NACC2: variants seen among roughly 807,000 people sequenced by gnomAD.
NACC2 encodes the protein nucleus accumbens-associated protein 2.
In NACC2, 8 loss-of-function variants were observed where a neutral mutation model predicts 25.1. The ratio of observed to expected loss-of-function variants is 0.32; its 90% CI spans 0.19 to 0.57. The LOEUF (loss-of-function observed/expected upper bound fraction) is 0.57. Among genes scored for constraint, NACC2 ranks in the 20% least tolerant of loss-of-function variants. NACC2 has a pLI of 0.89. For synonymous variants in NACC2, 435 were observed against 294.7 expected, an observed-to-expected ratio of 1.48 and a Z score of -4.88; for missense variants, 644 against 650.2, an observed-to-expected ratio of 0.99 and a Z score of 0.10.
chr9:136,013,915 C>T lies in NACC2; in HGVS notation c.1106G>A (p.Gly369Glu). 2.5e-6 allele frequency: 4 copies of T among 1,612,922 alleles called. No individual in the cohort carries two copies. Among genetic ancestry groups the T allele is most frequent in the Non-Finnish European group, 3.4e-6 (4 of 1,179,968 alleles). ...CCGCAGCAAGACCTTATGCTTCACC[C>T]CTGCACACAGGTGGCAGTTCATCAG... Reference protein sequence around the residue: ...GQLMNCHLCAGVKHKVLLRRL... With the variant: ...GQLMNCHLCAEVKHKVLLRRL... The change falls in exon 4 of 6, where the codon GGG becomes GAG. Residue 369 changes from glycine (G) to glutamate (E), a missense_variant. By Grantham distance (98) the Gly-to-Glu change is moderately conservative. Coordinates refer to ENST00000277554, the MANE Select transcript of NACC2 (RefSeq NM_144653.5). This position sits in a 1 kb window ranked among gnomAD's most constrained non-coding sequence, Gnocchi z 6.6.
chr9:136,053,182 TC>T (rs1482260281), intron 1 of NACC2, among the ~76,000 whole-genome samples: 1 of 152,126 alleles, frequency 6.6e-6, no homozygotes, highest in African/African-American at 2.4e-5. Context: ...TGCCCCTCAC[TC>T]CCGGCGCCCC....
intron 1 of NACC2, among the ~76,000 whole-genome samples, chr9:136,060,160 G>C (rs1840988054): frequency 6.6e-6 from 1 of 152,228 alleles, no homozygotes; most frequent in Non-Finnish European, 1.5e-5. Flanking sequence ...AAGAATCCTA[G>C]GGGCCAAATG....
At chr9:136,052,832 T>C (rs898058230) in intron 1 of NACC2, among the ~76,000 whole-genome samples, 16 of 152,232 alleles carry the variant, frequency 1.1e-4, no homozygotes, top group African/African-American at 3.9e-4. Context: ...CTGGCTGTTA[T>C]TGAGCCTTTT....
intron 2 of NACC2, among the ~76,000 whole-genome samples, chr9:136,046,229 C>T (rs1001736427): frequency 6.6e-6 from 1 of 152,150 alleles, no homozygotes; most frequent in African/African-American, 2.4e-5. Flanking sequence ...AGGCATTTCG[C>T]AATCTCTAGC....
At chr9:136,035,436 A>G (rs999995985) in intron 2 of NACC2, among the ~76,000 whole-genome samples, 5 of 152,152 alleles carry the variant, frequency 3.3e-5, no homozygotes, top group African/African-American at 1.2e-4. Flanking sequence ...CATTCTACAA[A>G]ATAATGAACT....
chr9:136,072,894 TA>T (rs1208909544), intron 1 of NACC2, among the ~76,000 whole-genome samples: 1 of 151,876 alleles, frequency 6.6e-6, no homozygotes, highest in Non-Finnish European at 1.5e-5. Flanking sequence ...ATTGGAGACT[TA>T]AACATAAAAC....
At chr9:136,024,503 A>ATGTG (rs139555936) in intron 2 of NACC2, among the ~76,000 whole-genome samples, 27,392 of 124,444 alleles carry the variant, frequency 0.22, 3,719 homozygotes, top group Non-Finnish European at 0.28. Flanking sequence ...TGAGGACAGA[A>ATGTG]TGTGTGTGTG....
chr9:136,078,595 G>A (rs903525111), intron 1 of NACC2, among the ~76,000 whole-genome samples: 2 of 152,196 alleles, frequency 1.3e-5, no homozygotes, highest in Non-Finnish European at 2.9e-5. Flanking sequence ...CCAGGGGAAT[G>A]TACTCCTAGG....
At chr9:136,081,478 C>T (rs1201811676) in intron 1 of NACC2, among the ~76,000 whole-genome samples, 2 of 152,244 alleles carry the variant, frequency 1.3e-5, no homozygotes, top group Admixed American at 6.5e-5. Flanking sequence ...CCCAGGAAGG[C>T]GGTGCCGGGC....
At chr9:136,027,478 A>G (rs1840410347) in intron 2 of NACC2, among the ~76,000 whole-genome samples, 1 of 152,216 alleles carries the variant, frequency 6.6e-6, no homozygotes, top group Non-Finnish European at 1.5e-5. Context: ...GCTCAGGGAA[A>G]GTCTCAACAA....
intron 2 of NACC2, among the ~76,000 whole-genome samples, chr9:136,023,860 A>C (rs1181018250): frequency 2.6e-5 from 4 of 152,252 alleles, no homozygotes; most frequent in African/African-American, 7.2e-5. Flanking sequence ...CAGGACACTA[A>C]GGACAAATGA....
chr9:136,072,619 A>AGGCG (rs1164978207), intron 1 of NACC2, among the ~76,000 whole-genome samples: 1 of 152,226 alleles, frequency 6.6e-6, no homozygotes, highest in Non-Finnish European at 1.5e-5. Flanking sequence ...TGGGATGCCG[A>AGGCG]GGCGGGCGGA....
rs1400189927 is a variant in NACC2 at position 136,011,026 on chromosome 9, G to T, written c.*490C>A. ...GAGTCTCCGAAAGAAGGAAAAACGAGGAGTTAGGCCCTGGAGCCTGAGCCC... is the reference window on the plus strand; with the variant it reads ...GAGTCTCCGAAAGAAGGAAAAACGATGAGTTAGGCCCTGGAGCCTGAGCCC... On this transcript the variant is annotated 3_prime_UTR_variant, in exon 6 of 6. Coordinates refer to ENST00000277554, the MANE Select transcript of NACC2 (RefSeq NM_144653.5). 1.3e-5 allele frequency: 2 copies of T among 153,388 alleles called. No individual in the cohort carries two copies. The highest frequency in any genetic ancestry group is 6.5e-5 in the Admixed American group (1 of 15,340). 9.5% of individuals were successfully genotyped at this position (153,388 alleles called of 1,614,324 possible). A position where few individuals can be genotyped will look rare whatever the true frequency, so the allele number is the denominator to read the frequency against.
In NACC2 at chr9:136,050,574, G is replaced by A. The variant is rs1226800908; in HGVS notation, c.-53C>T. 2.8e-6 allele frequency: 2 copies of A among 725,072 alleles called. No individual in the cohort carries two copies. The highest frequency in any genetic ancestry group is 5.0e-6 in the Non-Finnish European group (2 of 399,508). 44.9% of individuals were successfully genotyped at this position (725,072 alleles called of 1,614,324 possible). A position where few individuals can be genotyped will look rare whatever the true frequency, so the allele number is the denominator to read the frequency against. On this transcript the variant is annotated 5_prime_UTR_variant, in exon 2 of 6. Coordinates refer to ENST00000277554, the MANE Select transcript of NACC2 (RefSeq NM_144653.5). Reference sequence around the variant, plus strand: ...TCTCAGCGCGGGGCGGCCCTAGCGGGGCTCATCTGTGGGGGGCAGGAGGCA... The same window carrying A: ...TCTCAGCGCGGGGCGGCCCTAGCGGAGCTCATCTGTGGGGGGCAGGAGGCA...
intron 2 of NACC2, among the ~76,000 whole-genome samples, chr9:136,017,491 G>A (rs915326642): frequency 6.6e-6 from 1 of 152,100 alleles, no homozygotes; most frequent in South Asian, 2.1e-4. Context: ...GCAATGCCTG[G>A]GGCTCCCACT....
chr9:136,011,724 C>G lies in NACC2; in HGVS notation c.1556G>C (p.Ser519Thr), dbSNP rs1347044066. The G allele has an allele frequency of 2.0e-6, 3 of 1,525,286 alleles. No individual in the cohort carries two copies. The African/African-American group carries it at 4.2e-5, about 21-fold the overall frequency. 94.5% of individuals were successfully genotyped at this position (1,525,286 alleles called of 1,614,324 possible). ...LRTDAVNVDL[S>T]AAANPAFDAG... is the part of the protein sequence containing the mutation. ...GTCGAAGGCGGGGTTGGCGGCGGCA[C>G]TCAGGTCAACATTCACGGCGTCAGT... is the stretch of plus-strand genomic sequence containing the variant. The change falls in exon 6 of 6, where the codon AGT (serine) becomes ACT (threonine). Residue 519 changes from serine to threonine, a missense_variant. Transcript: ENST00000277554.
Position 136,049,744 on chromosome 9 carries a change from G to A in NACC2, c.778C>T (p.Pro260Ser), listed in dbSNP as rs1840787874. The change falls in exon 2 of 6, where the codon CCC becomes TCC. Residue 260 changes from proline (P) to serine (S), a missense_variant. Coordinates refer to ENST00000277554, the MANE Select transcript of NACC2 (RefSeq NM_144653.5). The stretch of plus-strand genomic sequence containing the variant: ...TCCTCCTCGTTGTGGTACGAGGTGG[G>A]GCTGTCGGTGGTGGGCAGGCTGCTG... Reference protein sequence around the residue: ...GASSLPTTDSPTSYHNEEDEE... With the variant: ...GASSLPTTDSSTSYHNEEDEE... The A allele has an allele frequency of 2.6e-6, 2 of 778,598 alleles. No homozygotes were observed. Among genetic ancestry groups the A allele is most frequent in the Non-Finnish European group, 4.8e-6 (2 of 417,372 alleles). The allele number at this position is 778,598 out of a possible 1,614,324, so 48.2% of individuals were successfully genotyped here.
rs1418783688 is a variant in NACC2 at position 136,050,539 on chromosome 9, G to A, written c.-18C>T. On this transcript the variant is annotated 5_prime_UTR_variant, in exon 2 of 6. Transcript: ENST00000277554. ...TGAGACATGGCGGGCGGGCAGCGGC[G>A]GGGCTGGGCTCTCAGCGCGGGGCGG... 9.3e-6 allele frequency: 7 copies of A among 754,594 alleles called. No individual in the cohort carries two copies. The East Asian group carries it at 1.2e-4, about 13-fold the overall frequency. 46.7% of individuals were successfully genotyped at this position (754,594 alleles called of 1,614,324 possible).
intron 2 of NACC2, among the ~76,000 whole-genome samples, chr9:136,043,484 C>T (rs1341406651): frequency 3.9e-5 from 6 of 152,352 alleles, no homozygotes; most frequent in Admixed American, 6.5e-5. Context: ...GGCCGTGGGG[C>T]GCCTGCTGCT....
Sources: allele counts gnomAD v4.1 joint callset (sites outside exome capture counted in the v4.1 genomes callset), GRCh38; gene constraint gnomAD v4.1.1; non-coding constraint Gnocchi (gnomAD v3.1); transcripts MANE v1.5; gene names NCBI Gene and HGNC (gene_info 2026-07-23, HGNC 2026-07-21).